The following FAT4 variants were observed in gnomAD, a reference collection of about 807,000 sequenced individuals.
The protein encoded by FAT4 is FAT atypical cadherin 4.
In FAT4, 84 loss-of-function variants were observed where a neutral mutation model predicts 303.9. The ratio of observed to expected loss-of-function variants is 0.28; its 90% CI spans 0.23 to 0.33. The LOEUF (loss-of-function observed/expected upper bound fraction) is 0.33. Among genes scored for constraint, FAT4 ranks in the 10% least tolerant of loss-of-function variants. The pLI, the probability that FAT4 is intolerant of heterozygous loss-of-function variation, is 1.00. For synonymous variants in FAT4, 2,307 were observed against 2,298.8 expected, an observed-to-expected ratio of 1.00 and a Z score of -0.10; for missense variants, 6,005 against 6,146.8, an observed-to-expected ratio of 0.98 and a Z score of 0.77.
rs1725372316 is a variant in FAT4 at position 125,434,248 on chromosome 4, C to T, written c.7022C>T (p.Ser2341Phe). Residue 2341 changes from serine (S) to phenylalanine (F), a missense_variant, in exon 8 of 18, where the codon TCC (serine) becomes TTC (phenylalanine). Coordinates refer to ENST00000394329, the MANE Select transcript of FAT4 (RefSeq NM_001291303.3). Reference sequence around the variant, plus strand: ...CTTGATTTTCTTTTCTTTTTAGGATCCCCTGCCTTGACTGGAACTGGAACA... The same window carrying T: ...CTTGATTTTCTTTTCTTTTTAGGATTCCCTGCCTTGACTGGAACTGGAACA... The part of the protein sequence containing the change: ...VLMITATDSG[S>F]PALTGTGTIN... 6.2e-7 allele frequency: 1 copy of T among 1,609,740 alleles called. No homozygotes were observed.
chr4:125,425,674 C>A (rs567243337), intron 7 of FAT4, among the ~76,000 whole-genome samples: 153 of 152,174 alleles, frequency 1.0e-3, no homozygotes, highest in Non-Finnish European at 1.8e-3. Flanking sequence ...CTCATACCTG[C>A]ATAGACAATG....
At position 125,448,446 on chromosome 4, in the gene FAT4, C is replaced by T. The variant is rs1453248961; in HGVS notation, c.7451-15C>T. On this transcript the variant is annotated splice_polypyrimidine_tract_variant and intron_variant, in intron 9 of 17. Coordinates refer to ENST00000394329, the MANE Select transcript of FAT4 (RefSeq NM_001291303.3). Reference sequence around the variant, plus strand: ...AATTCCACGTGAGTATAACTGCACACTTTCTCTTTTATAGGTTCCTTTGTC... The same window carrying T: ...AATTCCACGTGAGTATAACTGCACATTTTCTCTTTTATAGGTTCCTTTGTC... 5.1e-6 allele frequency: 8 copies of T among 1,576,346 alleles called. No individual in the cohort carries two copies. Among genetic ancestry groups the T allele is most frequent in the Non-Finnish European group, 6.9e-6 (8 of 1,163,324 alleles).
Position 125,450,805 on chromosome 4 carries a change from C to G in FAT4, c.9795C>G (p.Ser3265Arg), listed in dbSNP as rs1470463914. 3 of 1,614,132 alleles carry G rather than the reference C, an allele frequency of 1.9e-6. No individual in the cohort carries two copies. Among genetic ancestry groups the G allele is most frequent in the Non-Finnish European group, 1.7e-6 (2 of 1,180,010 alleles). Residue 3265 changes from serine to arginine, a missense_variant, in exon 10 of 18, where the codon AGC becomes AGG. Physicochemically the swap from Ser to Arg is moderately radical, Grantham distance 110. Coordinates refer to ENST00000394329, the MANE Select transcript of FAT4 (RefSeq NM_001291303.3). ...TCTTGGATTTTGAAACCAAGCAGAG[C>G]TACCATCTTACTGTGAAAGCCTTCA... ...QGFLDFETKQ[S>R]YHLTVKAFNV... is the part of the protein sequence containing the mutation.
At chr4:125,455,924 A>C (rs1726263124) in intron 10 of FAT4, among the ~76,000 whole-genome samples, 1 of 152,226 alleles carries the variant, frequency 6.6e-6, no homozygotes, top group Admixed American at 6.5e-5. Flanking sequence ...CTAAGAATAC[A>C]GGTCAGGAAC....
chr4:125,341,584 T>G (rs1171868385), intron 2 of FAT4, among the ~76,000 whole-genome samples: 1 of 152,108 alleles, frequency 6.6e-6, no homozygotes, highest in East Asian at 1.9e-4. Flanking sequence ...TTTAAAGTTC[T>G]GACTGTATTG....
chr4:125,463,250 G>T (rs1726542158), intron 10 of FAT4, among the ~76,000 whole-genome samples: 1 of 151,856 alleles, frequency 6.6e-6, no homozygotes, highest in Non-Finnish European at 1.5e-5. Context: ...AAGGGACATT[G>T]ACACAGAAAA....
At chr4:125,472,089 A>AAG (rs1553929345) in intron 12 of FAT4, among the ~76,000 whole-genome samples, 31,572 of 137,882 alleles carry the variant, frequency 0.23, 4,530 homozygotes, top group East Asian at 0.41. Flanking sequence ...AAAAAAAAAA[A>AAG]GGGTAGTTAC....
intron 2 of FAT4, among the ~76,000 whole-genome samples, chr4:125,350,283 CT>C (rs1314553589): frequency 6.6e-6 from 1 of 151,478 alleles, no homozygotes; most frequent in Non-Finnish European, 1.5e-5. Context: ...TATTTGAAGG[CT>C]TTTTTTCTTC....
At chr4:125,419,491 T>A (rs1465655689) in intron 7 of FAT4, among the ~76,000 whole-genome samples, 1 of 152,222 alleles carries the variant, frequency 6.6e-6, no homozygotes, top group Admixed American at 6.5e-5. Context: ...GATAGCTTGC[T>A]AACTGCCTAT....
chr4:125,415,605 T>C lies in FAT4; in HGVS notation c.6642T>C (p.Ala2214=). Residue 2214 remains alanine (A), a synonymous_variant, in exon 6 of 18, where the codon GCT becomes GCC. Coordinates refer to ENST00000394329, the MANE Select transcript of FAT4 (RefSeq NM_001291303.3). The part of the protein sequence containing the change: ...IDSVTGAITV[A]KPLDREKTPT... Reference sequence around the variant, plus strand: ...CTGTCACAGGTGCCATCACTGTCGCTAAACCTTTGGATAGAGAAAAGACCC... The same window carrying C: ...CTGTCACAGGTGCCATCACTGTCGCCAAACCTTTGGATAGAGAAAAGACCC... 1 of 1,614,066 alleles carries C rather than the reference T, an allele frequency of 6.2e-7. No individual in the cohort carries two copies. Among genetic ancestry groups the C allele is most frequent in the South Asian group, 1.1e-5 (1 of 91,088 alleles).
chr4:125,317,090 G>A lies in FAT4; in HGVS notation c.679G>A (p.Glu227Lys). 1 of 1,613,990 alleles carries A rather than the reference G, an allele frequency of 6.2e-7. No individual in the cohort carries two copies. The highest frequency in any genetic ancestry group is 8.5e-7 in the Non-Finnish European group (1 of 1,180,050). Residue 227 changes from glutamate to lysine, a missense_variant, in exon 2 of 18, where the codon GAG becomes AAG. Transcript: ENST00000394329. This position sits in a 1 kb window ranked among gnomAD's most constrained non-coding sequence, Gnocchi z 7.0. ...CCTGGTTGAGGTGGAGGACAAGGGT[G>A]AGCCTAAGCGGCGGGGCTACCTTCA... ...QLLVEVEDKG[E>K]PKRRGYLQVN...
chr4:125,383,753 C>T (rs946902796), intron 2 of FAT4, among the ~76,000 whole-genome samples: 2 of 152,260 alleles, frequency 1.3e-5, no homozygotes, highest in Non-Finnish European at 2.9e-5. Context: ...AAATTCTAGA[C>T]TCTGAGATTT....
At position 125,318,475 on chromosome 4, in the gene FAT4, C is replaced by T. The variant is rs1257684801; in HGVS notation, c.2064C>T (p.Val688=). The change falls in exon 2 of 18, where the codon GTC becomes GTT. Residue 688 remains valine, a synonymous_variant. Transcript: ENST00000394329. ...SLLDINDNSP[V]FYPVQYFAHI... ...TGGATATAAATGATAACAGCCCTGTCTTCTACCCGGTCCAATACTTTGCTC... is the reference window on the plus strand; with the variant it reads ...TGGATATAAATGATAACAGCCCTGTTTTCTACCCGGTCCAATACTTTGCTC... 6.2e-7 allele frequency: 1 copy of T among 1,614,190 alleles called. No homozygotes were observed. The highest frequency in any genetic ancestry group is 1.1e-5 in the South Asian group (1 of 91,078).
intron 12 of FAT4, among the ~76,000 whole-genome samples, chr4:125,471,794 G>A (rs1480295710): frequency 6.8e-6 from 1 of 145,996 alleles, no homozygotes; most frequent in Non-Finnish European, 1.5e-5. Context: ...GCTCACGCCT[G>A]TAATCCCAGC....
chr4:125,390,050 A>G (rs1385450002), intron 2 of FAT4, among the ~76,000 whole-genome samples: 15 of 152,130 alleles, frequency 9.9e-5, no homozygotes, highest in Admixed American at 8.5e-4. Context: ...CAAAATAGGG[A>G]AAAAAATGAA....
intron 10 of FAT4, among the ~76,000 whole-genome samples, chr4:125,456,567 A>C (rs1445381582): frequency 6.6e-6 from 1 of 152,200 alleles, no homozygotes; most frequent in Non-Finnish European, 1.5e-5. Flanking sequence ...TTTGTAGGAA[A>C]CAATATGAAA....
chr4:125,329,226 A>C (rs1188931928), intron 2 of FAT4, among the ~76,000 whole-genome samples: 1 of 152,042 alleles, frequency 6.6e-6, no homozygotes, highest in Non-Finnish European at 1.5e-5. Context: ...TTTTCTTCTC[A>C]TGATCTCTTA....
chr4:125,386,834 C>T (rs1468344478), intron 2 of FAT4, among the ~76,000 whole-genome samples: 1 of 152,108 alleles, frequency 6.6e-6, no homozygotes. Context: ...GATATAAGGA[C>T]ATATAACTAT....
rs574400980 is a variant in FAT4 at position 125,326,310 on chromosome 4, C to T, written c.5175+4724C>T. Reference sequence around the variant, plus strand: ...AGGGTTTTGAATCACAGTAGTGCACCTTAGATTAAATGTCTGTATATCTTG... The same window carrying T: ...AGGGTTTTGAATCACAGTAGTGCACTTTAGATTAAATGTCTGTATATCTTG... On this transcript the variant is annotated intron_variant, in intron 2 of 17. Transcript: ENST00000394329. Among the ~76,000 whole-genome samples the T allele has an allele frequency of 4.6e-4, 69 of 151,604 alleles. 1 individual carries two copies. The South Asian group carries it at 9.8e-3, about 22-fold the overall frequency.
Sources: allele counts gnomAD v4.1 joint callset (sites outside exome capture counted in the v4.1 genomes callset), GRCh38; gene constraint gnomAD v4.1.1; non-coding constraint Gnocchi (gnomAD v3.1); transcripts MANE v1.5; gene names NCBI Gene and HGNC (gene_info 2026-07-23, HGNC 2026-07-21).